MET: variants seen among roughly 807,000 people sequenced by gnomAD.
MET encodes the protein MET proto-oncogene, receptor tyrosine kinase.
Under a neutral mutation model 133.1 loss-of-function variants are expected in MET, and 48 were observed. The observed-to-expected ratio is 0.36, with a 90% CI of 0.29 to 0.46. The LOEUF is 0.46. Among genes scored for constraint, MET ranks in the 20% least tolerant of loss-of-function variants. The pLI, the probability that MET is intolerant of heterozygous loss-of-function variation, is 1.00. For missense variants in MET, 1,442 were observed against 1,695.9 expected, an observed-to-expected ratio of 0.85 and a Z score of 2.63; for synonymous variants, 628 against 616.5, an observed-to-expected ratio of 1.02 and a Z score of -0.28.
At chr7:116,741,435 C>T (rs916116152) in intron 5 of MET, among the ~76,000 whole-genome samples, 1 of 152,204 alleles carries the variant, frequency 6.6e-6, no homozygotes, top group Non-Finnish European at 1.5e-5. Flanking sequence ...CCTATATAGG[C>T]CAAGTGCCCA....
intron 3 of MET, among the ~76,000 whole-genome samples, chr7:116,738,415 T>C (rs1384826178): frequency 6.6e-6 from 1 of 152,180 alleles, no homozygotes; most frequent in Non-Finnish European, 1.5e-5. Flanking sequence ...GACTGGTAAT[T>C]GAATTTCTGT....
At position 116,757,747 on chromosome 7, in the gene MET, T is replaced by C. The variant is rs1183432579; in HGVS notation, c.2075T>C (p.Ile692Thr). 1.2e-6 allele frequency: 2 copies of C among 1,613,938 alleles called. No individual in the cohort carries two copies. Among genetic ancestry groups the C allele is most frequent in the South Asian group, 1.1e-5 (1 of 91,064 alleles). The change falls in exon 8 of 21, where the codon ATT becomes ACT. Residue 692 changes from isoleucine to threonine, a missense_variant. Physicochemically the swap from Ile to Thr is moderately conservative, Grantham distance 89 (BLOSUM62 -1). Around this residue, in one of 6 missense-constraint regions of MET, gnomAD observed 514 missense variants for 659.6 expected, o/e 0.78. Transcript: ENST00000397752. ...AGTGGGAATTCTAGACACATTTCAA[T>C]TGGTGGAAAAACATGTACTTTAAAA... ...LNSGNSRHIS[I>T]GGKTCTLKSV...
intron 1 of MET, among the ~76,000 whole-genome samples, chr7:116,679,938 G>A (rs1320179292): frequency 6.6e-6 from 1 of 152,116 alleles, no homozygotes; most frequent in South Asian, 2.1e-4. Flanking sequence ...TAAAATATAG[G>A]CATTGAGATC....
chr7:116,723,514 G>A (rs1388505904), intron 2 of MET, among the ~76,000 whole-genome samples: 7 of 152,140 alleles, frequency 4.6e-5, no homozygotes, highest in Admixed American at 6.5e-5. Context: ...GCTTTGTTCC[G>A]TTGCTGGTGA....
At chr7:116,700,388 G>A in intron 2 of MET, 104 bp downstream of exon 2, 1 of 1,316,100 alleles carries the variant, frequency 7.6e-7, no homozygotes, top group East Asian at 2.5e-5. Flanking sequence ...TTTGTAAATG[G>A]TGTTTATCCA....
Position 116,777,429 on chromosome 7 carries a change from T to C in MET, c.3300T>C (p.Asn1100=), listed in dbSNP as rs1554399341. 6.2e-7 allele frequency: 1 copy of C among 1,613,910 alleles called. No homozygotes were observed. Among genetic ancestry groups the C allele is most frequent in the East Asian group, 2.2e-5 (1 of 44,826 alleles). ...TATATCATGGGACTTTGTTGGACAA[T>C]GATGGCAAGAAAATTCACTGTGCTG... ...GCVYHGTLLD[N]DGKKIHCAVK... The change falls in exon 16 of 21, where the codon AAT becomes AAC. Residue 1100 remains asparagine (N), a synonymous_variant. Transcript: ENST00000397752.
In MET at chr7:116,740,010, C is replaced by A. The variant is rs1451954069; in HGVS notation, c.1453C>A (p.Pro485Thr). 6.2e-7 allele frequency: 1 copy of A among 1,614,150 alleles called. No homozygotes were observed. The highest frequency in any genetic ancestry group is 1.1e-5 in the South Asian group (1 of 91,084). The stretch of plus-strand genomic sequence containing the variant: ...TGTGAATTTTCTCCTGGACTCCCAT[C>A]CAGTGTCTCCAGAAGTGATTGTGGA... ...PHVNFLLDSH[P>T]VSPEVIVEHT... Residue 485 changes from proline (P) to threonine (T), a missense_variant, in exon 4 of 21, where the codon CCA (proline) becomes ACA (threonine). Pro to Thr is a conservative substitution (Grantham distance 38). Coordinates refer to ENST00000397752, the MANE Select transcript of MET (RefSeq NM_000245.4).
At chr7:116,752,382 C>T (rs1562917867) in intron 5 of MET, among the ~76,000 whole-genome samples, 1 of 152,188 alleles carries the variant, frequency 6.6e-6, no homozygotes, top group Non-Finnish European at 1.5e-5. Context: ...ACAAGGGCTA[C>T]TTTTGTGGCT....
At chr7:116,679,419 GA>G (rs1207673037) in intron 1 of MET, among the ~76,000 whole-genome samples, 1 of 152,176 alleles carries the variant, frequency 6.6e-6, no homozygotes, top group Non-Finnish European at 1.5e-5. Context: ...AAAGAGTGCT[GA>G]AAATAGGAAG....
chr7:116,784,268 T>C (rs976442123), intron 19 of MET, among the ~76,000 whole-genome samples: 1 of 152,202 alleles, frequency 6.6e-6, no homozygotes, highest in Non-Finnish European at 1.5e-5. Context: ...ATAGAGTTCC[T>C]TGAAAACTGA....
chr7:116,686,184 T>C lies in MET; in HGVS notation c.-14-12887T>C, dbSNP rs1370013844. On this transcript the variant is annotated intron_variant, in intron 1 of 20. Coordinates refer to ENST00000397752, the MANE Select transcript of MET (RefSeq NM_000245.4). ...TTTCACTCCAATAAAAACCTGAATCTCCCAGGGGCCTACAAGGCCTTACAT... is the reference window on the plus strand; with the variant it reads ...TTTCACTCCAATAAAAACCTGAATCCCCCAGGGGCCTACAAGGCCTTACAT... Among the ~76,000 whole-genome samples, 3 of 152,260 alleles carry C rather than the reference T, an allele frequency of 2.0e-5. No homozygotes were observed. In the East Asian group the frequency reaches 5.8e-4, roughly 29 times the overall value.
At chr7:116,788,287 C>T (rs533798699) in intron 19 of MET, among the ~76,000 whole-genome samples, 37 of 152,270 alleles carry the variant, frequency 2.4e-4, no homozygotes, top group African/African-American at 8.2e-4. Flanking sequence ...ATTTACTAAA[C>T]ATCATTTAAT....
intron 5 of MET, among the ~76,000 whole-genome samples, chr7:116,750,501 A>G (rs1793875368): frequency 6.6e-6 from 1 of 152,260 alleles, no homozygotes; most frequent in African/African-American, 2.4e-5. Context: ...CCTAGGCAAT[A>G]CCATTCAGGA....
At chr7:116,716,526 AAAGAAAGAAAG>A in intron 2 of MET, among the ~76,000 whole-genome samples, 1 of 149,252 alleles carries the variant, frequency 6.7e-6, no homozygotes, top group South Asian at 2.1e-4. Context: ...AGAAAGAAAG[AAAGAAAGAAAG>A]AAGATATGAA....
At chr7:116,758,311 A>G in intron 8 of MET, 148 bp from the exon 9 acceptor site, 1 of 767,182 alleles carries the variant, frequency 1.3e-6, no homozygotes, top group South Asian at 1.6e-5. Flanking sequence ...ATCCAGTCAG[A>G]TTAAACAGCC....
chr7:116,725,292 A>C (rs981461485), intron 2 of MET, among the ~76,000 whole-genome samples: 1 of 152,050 alleles, frequency 6.6e-6, no homozygotes, highest in African/African-American at 2.4e-5. Context: ...ACCATAATCT[A>C]CTCTGCAAAT....
At position 116,797,450 on chromosome 7, in the gene MET, A is replaced by G. The variant is rs41739; in HGVS notation, c.*1326A>G. ...ATGTTAAGCAAAACATACTTTAGAAACAAATGAAAAAGGCAATTGAAAATC... is the reference window on the plus strand; with the variant it reads ...ATGTTAAGCAAAACATACTTTAGAAGCAAATGAAAAAGGCAATTGAAAATC... On this transcript the variant is annotated 3_prime_UTR_variant, in exon 21 of 21. Coordinates refer to ENST00000397752, the MANE Select transcript of MET (RefSeq NM_000245.4). 86,270 of 226,770 alleles carry G rather than the reference A, an allele frequency of 0.38. 18,769 individuals are homozygous for G. The highest frequency in any genetic ancestry group is 0.49 in the East Asian group (7,787 of 15,748). The allele number at this position is 226,770 out of a possible 1,614,324, so 14.0% of individuals were successfully genotyped here. A position where few individuals can be genotyped will look rare whatever the true frequency, so the allele number is the denominator to read the frequency against.
At chr7:116,744,288 T>C (rs1052922424) in intron 5 of MET, among the ~76,000 whole-genome samples, 1 of 151,822 alleles carries the variant, frequency 6.6e-6, no homozygotes, top group Non-Finnish European at 1.5e-5. Context: ...GCTAAGAACC[T>C]TGAAAAAAAA....
At chr7:116,768,462 G>C (rs139360435) in intron 11 of MET, among the ~76,000 whole-genome samples, 22 of 152,224 alleles carry the variant, frequency 1.4e-4, no homozygotes, top group Non-Finnish European at 3.1e-4. Context: ...TGGCTGACCT[G>C]GTTCAATGGA....
Sources: gnomAD v4.1 joint callset for allele counts (sites outside exome capture counted in the v4.1 genomes callset) on GRCh38, gnomAD v4.1.1 for gene constraint, gnomAD v4.1.1 regional missense constraint, MANE v1.5 for transcripts, NCBI Gene and HGNC (gene_info 2026-07-23, HGNC 2026-07-21) for gene names.